Variants in HEATR4 observed in about 807,000 individuals in gnomAD.
HEATR4 encodes HEAT repeat-containing protein 4.
In HEATR4, 95 loss-of-function variants were observed where a neutral mutation model predicts 108.8. That is an observed-to-expected ratio of 0.87 (90% CI 0.74 to 1.04). The LOEUF (loss-of-function observed/expected upper bound fraction) is 1.04, where lower values mean the gene tolerates loss of function less well. HEATR4 is among the 50% of genes least tolerant of loss of function. The probability of loss-of-function intolerance (pLI) is 0.00; values close to 1 mark genes in which losing one functional copy is unlikely to be tolerated. For synonymous variants in HEATR4, 443 were observed against 459.4 expected, an observed-to-expected ratio of 0.96 and a Z score of 0.46; for missense variants, 1,152 against 1,253.8, an observed-to-expected ratio of 0.92 and a Z score of 1.23.
At position 73,492,076 on chromosome 14, in the gene HEATR4, T is replaced by C. The variant is rs1411203376; in HGVS notation, c.2844+990A>G. On this transcript the variant is annotated intron_variant, in intron 17 of 17. Coordinates refer to ENST00000553558, the MANE Select transcript of HEATR4 (RefSeq NM_001220484.1). This position sits in a 1 kb window ranked among gnomAD's most constrained non-coding sequence, Gnocchi z 4.9. ...AGGCCTTCGTGCTGCAGCTGGAAGG[T>C]AGGAAACTCTGGCGTGTATACCGAC... is the stretch of plus-strand genomic sequence containing the variant. 1.2e-6 allele frequency: 2 copies of C among 1,613,818 alleles called. No individual in the cohort carries two copies. Among genetic ancestry groups the C allele is most frequent in the East Asian group, 2.2e-5 (1 of 44,870 alleles).
chr14:73,525,417 C>T (rs1888265485), intron 2 of HEATR4, among the ~76,000 whole-genome samples: 1 of 152,190 alleles, frequency 6.6e-6, no homozygotes, highest in African/African-American at 2.4e-5. Context: ...TATGCTATCA[C>T]TCCAGGACTT....
chr14:73,605,556 C>CTTTT, the HEATR4 span, among the ~76,000 whole-genome samples: 352 of 56,966 alleles, frequency 6.2e-3, 43 homozygotes, highest in Non-Finnish European at 9.5e-3. Flanking sequence ...CTGTAAGATT[C>CTTTT]TTTTTTTTTT....
At chr14:73,595,043 T>C in the HEATR4 span, 1 of 1,612,458 alleles carries the variant, frequency 6.2e-7, no homozygotes, top group Non-Finnish European at 8.5e-7. Context: ...TCTTCTTTTC[T>C]TCCAGGTAAA....
chr14:73,606,073 A>T, the HEATR4 span, among the ~76,000 whole-genome samples: 1 of 152,002 alleles, frequency 6.6e-6, no homozygotes, highest in East Asian at 1.9e-4. Flanking sequence ...TACCTAACCA[A>T]TCAGCACTCC....
the HEATR4 span, chr14:73,567,639 C>T: frequency 6.6e-6 from 1 of 152,168 alleles, no homozygotes. Flanking sequence ...GAGTTCCGCT[C>T]CAGGCTGATG....
At chr14:73,576,278 TGC>T in the HEATR4 span, among the ~76,000 whole-genome samples, 2 of 152,038 alleles carry the variant, frequency 1.3e-5, no homozygotes, top group African/African-American at 4.8e-5. Context: ...GTTAACATCT[TGC>T]CTATAAACTG....
intron 14 of HEATR4, among the ~76,000 whole-genome samples, chr14:73,496,926 G>A (rs1174710355): frequency 1.3e-5 from 2 of 152,210 alleles, no homozygotes; most frequent in African/African-American, 4.8e-5. Flanking sequence ...GTCTTGCTCT[G>A]TTTCCCAGAG....
chr14:73,616,917 T>C, the HEATR4 span: 1 of 582,604 alleles, frequency 1.7e-6, no homozygotes. Context: ...CCCAATCTCC[T>C]TGGCTTCAAA....
At chr14:73,628,869 T>C in the HEATR4 span, among the ~76,000 whole-genome samples, 1 of 150,806 alleles carries the variant, frequency 6.6e-6, no homozygotes, top group Non-Finnish European at 1.5e-5. Context: ...CTGGTCAACA[T>C]GGTGAAACCC....
At position 73,500,608 on chromosome 14, in the gene HEATR4, G is replaced by A. The variant is rs755395364; in HGVS notation, c.2228C>T (p.Thr743Ile). The change falls in exon 12 of 18, where the codon ACA (threonine) becomes ATA (isoleucine). Residue 743 changes from threonine (T) to isoleucine (I), a missense_variant. Thr to Ile is a moderately conservative substitution (Grantham distance 89, BLOSUM62 -1). Transcript: ENST00000553558. ...CAAACAGGCTGCCCGCCGAACTGCT[G>A]TGAAGTCATCAGAGAAGCAGTGCAG... Reference protein sequence around the residue: ...SFLHCFSDDFTAVRRAACLAA... With the variant: ...SFLHCFSDDFIAVRRAACLAA... 6.2e-6 allele frequency: 10 copies of A among 1,614,142 alleles called. No homozygotes were observed. The highest frequency in any genetic ancestry group is 3.3e-5 in the Admixed American group (2 of 60,020).
In HEATR4 at chr14:73,493,081, A is replaced by G; in HGVS notation, c.2829T>C (p.Thr943=). Residue 943 remains threonine, a synonymous_variant, in exon 17 of 18, where the codon ACT becomes ACC. Transcript: ENST00000553558. ...TCACATTTACCTTTATCACTGCTTC[A>G]GTGTCACAAACCTCGGAAGGTCTTC... The part of the protein sequence containing the change: ...LPRRPSEVCD[T]EAVIKPVKPR... 1.2e-6 allele frequency: 2 copies of G among 1,606,646 alleles called. No individual in the cohort carries two copies. The highest frequency in any genetic ancestry group is 2.2e-5 in the South Asian group (2 of 90,872).
intron 1 of HEATR4, among the ~76,000 whole-genome samples, chr14:73,550,249 G>C (rs1247985623): frequency 8.8e-6 from 1 of 113,436 alleles, no homozygotes; most frequent in Non-Finnish European, 1.9e-5. Context: ...GGGAGTGACC[G>C]TGTTCTCGGG....
chr14:73,543,270 A>G, intron 1 of HEATR4: 1 of 1,590,178 alleles, frequency 6.3e-7, no homozygotes, highest in Non-Finnish European at 8.6e-7. Flanking sequence ...GACATTGTGG[A>G]TGTCCTGAAC....
At chr14:73,564,072 G>A in the HEATR4 span, among the ~76,000 whole-genome samples, 29 of 151,808 alleles carry the variant, frequency 1.9e-4, no homozygotes, top group African/African-American at 3.4e-4. Flanking sequence ...AGGCTGAGGC[G>A]GGCAGATTAC....
chr14:73,553,135 C>G lies in HEATR4; in HGVS notation c.-152+5616G>C, dbSNP rs1204079661. ...GGTGCCCCACCCCGAAGGACACAAG[C>G]CTCCTGCTCAGGACACTTTCTGGGG... On this transcript the variant is annotated intron_variant, in intron 1 of 17. Transcript: ENST00000553558. Among the ~76,000 whole-genome samples the G allele has an allele frequency of 4.3e-5, 5 of 115,376 alleles. 1 individual carries two copies. The highest frequency in any genetic ancestry group is 9.6e-5 in the Non-Finnish European group (5 of 52,242). The allele number at this position is 115,376 out of a possible 152,430, so 75.7% of individuals were successfully genotyped here. A position where few individuals can be genotyped will look rare whatever the true frequency, so the allele number is the denominator to read the frequency against.
intron 3 of HEATR4, among the ~76,000 whole-genome samples, chr14:73,521,750 A>G (rs553320307): frequency 6.6e-6 from 1 of 152,140 alleles, no homozygotes; most frequent in African/African-American, 2.4e-5. Context: ...TCAGTGACAC[A>G]CTGGTTCCTT....
At chr14:73,573,455 T>C in the HEATR4 span, 2 of 1,613,800 alleles carry the variant, frequency 1.2e-6, no homozygotes, top group Non-Finnish European at 1.7e-6. Context: ...AGTATCGGGC[T>C]AGTCTGCTGG....
intron 17 of HEATR4, among the ~76,000 whole-genome samples, chr14:73,484,437 G>A (rs1254019934): frequency 6.6e-6 from 1 of 152,048 alleles, no homozygotes; most frequent in Admixed American, 6.6e-5. Context: ...GGAGTGCAGT[G>A]GCGCGATCCT....
At chr14:73,586,809 T>C in the HEATR4 span, among the ~76,000 whole-genome samples, 1 of 151,908 alleles carries the variant, frequency 6.6e-6, no homozygotes, top group African/African-American at 2.4e-5. Context: ...ATTTCTGGGC[T>C]CAAGCCATCT....
Sources: allele counts gnomAD v4.1 joint callset (sites outside exome capture counted in the v4.1 genomes callset), GRCh38; gene constraint gnomAD v4.1.1; non-coding constraint Gnocchi (gnomAD v3.1); transcripts MANE v1.5; gene names NCBI Gene and HGNC (gene_info 2026-07-23, HGNC 2026-07-21).